Variants in ABCG2 observed in about 807,000 individuals in gnomAD.
ABCG2 encodes ATP binding cassette subfamily G member 2 (JR blood group), also known as broad substrate specificity ATP-binding cassette transporter ABCG2.
Under a neutral mutation model 73.5 loss-of-function variants are expected in ABCG2, and 80 were observed. The observed-to-expected ratio is 1.09, with a 90% CI of 0.91 to 1.31. The LOEUF (loss-of-function observed/expected upper bound fraction) is 1.31. Among genes scored for constraint, ABCG2 ranks in the 50% most tolerant of loss-of-function variants. The pLI is 0.00. For missense variants in ABCG2, 796 were observed against 786.2 expected (o/e 1.01, Z -0.15); for synonymous variants, 269 against 282.4 (o/e 0.95, Z 0.48).
chr4:88,172,574 T>C (rs1004792946), intron 1 of ABCG2, among the ~76,000 whole-genome samples: 32 of 68,838 alleles, frequency 4.6e-4, no homozygotes, highest in African/African-American at 1.8e-3. Flanking sequence ...CAAGACTCTG[T>C]CTCAGGGAAA....
chr4:88,124,959 G>A (rs1041652465), intron 5 of ABCG2, among the ~76,000 whole-genome samples: 2 of 152,156 alleles, frequency 1.3e-5, no homozygotes, highest in African/African-American at 4.8e-5. Context: ...CCAACAGTCT[G>A]TCAGACCACA....
At chr4:88,204,124 G>A (rs972090818) in intron 1 of ABCG2, among the ~76,000 whole-genome samples, 1 of 151,942 alleles carries the variant, frequency 6.6e-6, no homozygotes, top group Non-Finnish European at 1.5e-5. Context: ...CACCTCAGCT[G>A]TAAAGAATTC....
intron 7 of ABCG2, 111 bp downstream of exon 7, chr4:88,117,998 T>C (rs1723708944): frequency 9.5e-7 from 1 of 1,055,612 alleles, no homozygotes; most frequent in Non-Finnish European, 1.3e-6. Flanking sequence ...AAGTGATAGA[T>C]TCTCATGGTA....
At position 88,095,569 on chromosome 4, in the gene ABCG2, G is replaced by T; in HGVS notation, c.1688C>A (p.Ser563Tyr). The T allele has an allele frequency of 6.2e-7, 1 of 1,613,806 alleles. No individual in the cohort carries two copies. Among genetic ancestry groups the T allele is most frequent in the Non-Finnish European group, 8.5e-7 (1 of 1,179,750 alleles). Residue 563 changes from serine (S) to tyrosine (Y), a missense_variant, in exon 14 of 16, where the codon TCT becomes TAT. Physicochemically the swap from Ser to Tyr is moderately radical, Grantham distance 144. Transcript: ENST00000237612. ...GLLVNLTTIA[S>Y]WLSWLQYFSI... ...GAAGTACTGAAGCCATGACAGCCAA[G>T]ATGCAATGGTTGTGAGATTGACCAA...
At chr4:88,213,260 C>T (rs541472104) in intron 1 of ABCG2, among the ~76,000 whole-genome samples, 12 of 152,248 alleles carry the variant, frequency 7.9e-5, no homozygotes, top group Non-Finnish European at 1.5e-4. Flanking sequence ...CTCAGTAATG[C>T]CTGACAACTC....
chr4:88,100,154 T>C (rs1722292357), intron 11 of ABCG2, among the ~76,000 whole-genome samples: 1 of 148,054 alleles, frequency 6.8e-6, no homozygotes, highest in South Asian at 2.1e-4. Context: ...ATACCCAGCC[T>C]GGGAAACATA....
chr4:88,159,002 C>T (rs771431480), upstream of ABCG2: 341 of 364,776 alleles, frequency 9.3e-4, 1 homozygote, highest in Non-Finnish European at 1.1e-3. Flanking sequence ...CGATAAGCGC[C>T]CTGCGACCCG....
rs571681647 is a variant in ABCG2, at chr4:88,145,664, G to A, written c.-19-5650C>T. Among the ~76,000 whole-genome samples, 24 of 152,294 alleles carry A rather than the reference G, an allele frequency of 1.6e-4. No homozygotes were observed. The South Asian group carries it at 5.0e-3, about 32-fold the overall frequency. The stretch of plus-strand genomic sequence containing the variant: ...AAAGGAACACTCTGGGCCAGGCCAG[G>A]TGCGGTGGCTCTTGCCTGTAATCTC... On this transcript the variant is annotated intron_variant, in intron 1 of 15. Transcript: ENST00000237612.
intron 1 of ABCG2, among the ~76,000 whole-genome samples, chr4:88,176,647 ATTTTTTTTTTTTT>A (rs35728226): frequency 5.5e-5 from 5 of 90,162 alleles, no homozygotes; most frequent in Admixed American, 1.4e-4. Flanking sequence ...CACCTGGCTA[ATTTTTTTTTTTTT>A]TTTTTTTTTT....
At chr4:88,216,577 C>T (rs924482405) in intron 1 of ABCG2, among the ~76,000 whole-genome samples, 11 of 152,164 alleles carry the variant, frequency 7.2e-5, no homozygotes, top group Non-Finnish European at 1.3e-4. Flanking sequence ...CTGAATGTCC[C>T]GTTGACCAAC....
intron 1 of ABCG2, among the ~76,000 whole-genome samples, chr4:88,189,808 T>C (rs1728610643): frequency 6.6e-6 from 1 of 152,216 alleles, no homozygotes; most frequent in South Asian, 2.1e-4. Flanking sequence ...CACTTGTTAA[T>C]AATCTTAAGC....
At chr4:88,144,271 T>G (rs933006518) in intron 1 of ABCG2, among the ~76,000 whole-genome samples, 3 of 152,180 alleles carry the variant, frequency 2.0e-5, no homozygotes, top group Admixed American at 2.0e-4. Context: ...AGCCGATTCA[T>G]GTTATTTGGC....
At chr4:88,103,001 A>G (rs921359534) in intron 10 of ABCG2, among the ~76,000 whole-genome samples, 1 of 152,100 alleles carries the variant, frequency 6.6e-6, no homozygotes, top group Non-Finnish European at 1.5e-5. Flanking sequence ...ACTGAGTTGA[A>G]CTCCTGGCCT....
intron 1 of ABCG2, among the ~76,000 whole-genome samples, chr4:88,179,951 G>A (rs1193952055): frequency 6.6e-6 from 1 of 152,154 alleles, no homozygotes; most frequent in East Asian, 1.9e-4. Context: ...AACATAGCCT[G>A]AAAGGGACAA....
At chr4:88,231,135 A>G (rs559186817) in exon 1 of ABCG2, 1 of 152,328 alleles carries the variant, frequency 6.6e-6, no homozygotes, top group Non-Finnish European at 1.5e-5. Context: ...ACAGACGAGT[A>G]TCAGTCCAGG....
At chr4:88,169,230 G>A (rs1727662148) in intron 1 of ABCG2, among the ~76,000 whole-genome samples, 1 of 151,944 alleles carries the variant, frequency 6.6e-6, no homozygotes, top group Non-Finnish European at 1.5e-5. Context: ...ATTTTTAGTA[G>A]AGATGGGGTT....
chr4:88,172,960 G>A lies in ABCG2; in HGVS notation c.-19-32946C>T, dbSNP rs141297517. Among the ~76,000 whole-genome samples, 181 of 152,302 alleles carry A rather than the reference G, an allele frequency of 1.2e-3. 2 individuals are homozygous for A. Among genetic ancestry groups the A allele is most frequent in the Admixed American group, 5.2e-3 (80 of 15,300 alleles). On this transcript the variant is annotated intron_variant, in intron 1 of 15. Transcript: ENST00000515655. ...GCTCAAGGCACACAGGGACTTTGAA[G>A]GGTAGCTTAATTGCCTGGTCTCTGC...
At chr4:88,134,012 AAG>A (rs1277521528) in intron 2 of ABCG2, among the ~76,000 whole-genome samples, 3 of 144,196 alleles carry the variant, frequency 2.1e-5, no homozygotes, top group African/African-American at 7.9e-5. Context: ...AAAAAAAAAG[AAG>A]AAGAAGAAAG....
At chr4:88,180,580 A>AT (rs1294097246) in intron 1 of ABCG2, among the ~76,000 whole-genome samples, 2 of 152,066 alleles carry the variant, frequency 1.3e-5, no homozygotes, top group African/African-American at 4.8e-5. Flanking sequence ...ACAAAAAAAA[A>AT]TTTTAAATTT....
Sources: gnomAD v4.1 joint callset for allele counts (sites outside exome capture counted in the v4.1 genomes callset) on GRCh38, gnomAD v4.1.1 for gene constraint, MANE v1.5 for transcripts, NCBI Gene and HGNC (gene_info 2026-07-23, HGNC 2026-07-21) for gene names.